CCDC148: variants seen among roughly 807,000 people sequenced by gnomAD.
CCDC148 encodes coiled-coil domain containing 148.
A neutral mutation model predicts 85.7 loss-of-function variants in CCDC148; 89 were observed. The ratio of observed to expected loss-of-function variants is 1.04; its 90% CI spans 0.87 to 1.24. The LOEUF (loss-of-function observed/expected upper bound fraction) is 1.24. Among genes scored for constraint, CCDC148 ranks in the 50% most tolerant of loss-of-function variants. CCDC148 has a pLI of 0.00. For missense variants in CCDC148, 692 were observed against 671.7 expected (o/e 1.03, Z -0.33); for synonymous variants, 230 against 213.9 (o/e 1.08, Z -0.66).
intron 9 of CCDC148, among the ~76,000 whole-genome samples, chr2:158,279,534 A>C (rs1345532095): frequency 6.6e-6 from 1 of 152,214 alleles, no homozygotes; most frequent in Non-Finnish European, 1.5e-5. Flanking sequence ...CAGTGATGGA[A>C]GATGAAATGA....
At chr2:158,424,782 G>GA in intron 1 of CCDC148, 1 of 199,626 alleles carries the variant, frequency 5.0e-6, no homozygotes. Flanking sequence ...AGAAACTTCT[G>GA]AAAAACAAAT....
intron 12 of CCDC148, 115 bp downstream of exon 12, chr2:158,178,764 T>C: frequency 1.4e-6 from 1 of 718,910 alleles, no homozygotes; most frequent in Non-Finnish European, 2.4e-6. Context: ...TTTGGAAAAG[T>C]TAAATTTTAT....
At chr2:158,408,124 A>T (rs2105312079) in intron 1 of CCDC148, among the ~76,000 whole-genome samples, 1 of 152,304 alleles carries the variant, frequency 6.6e-6, no homozygotes, top group Non-Finnish European at 1.5e-5. Context: ...AAATGAAATT[A>T]TAAATATTTA....
intron 3 of CCDC148, among the ~76,000 whole-genome samples, chr2:158,342,501 C>G (rs768143009): frequency 1.3e-5 from 2 of 152,082 alleles, no homozygotes; most frequent in East Asian, 1.9e-4. Context: ...AGAAGTTATT[C>G]CAGAACAGAT....
intron 10 of CCDC148, 34 bp from the exon 11 acceptor site, chr2:158,220,747 A>G (rs1177291167): frequency 6.8e-7 from 1 of 1,464,042 alleles, no homozygotes; most frequent in Non-Finnish European, 9.3e-7. Flanking sequence ...ATTTAAATTA[A>G]CAACAGATAT....
chr2:158,306,793 G>A (rs144887814), intron 9 of CCDC148, among the ~76,000 whole-genome samples: 8,451 of 150,582 alleles, frequency 0.056, 503 homozygotes, highest in African/African-American at 0.15. Context: ...AAACCTGCAC[G>A]TTGTGCACAT....
chr2:158,353,167 A>G (rs1449289993), intron 2 of CCDC148, among the ~76,000 whole-genome samples: 1 of 139,580 alleles, frequency 7.2e-6, no homozygotes, highest in African/African-American at 2.8e-5. Context: ...AACTGCATCA[A>G]CTAACGAGCA....
At chr2:158,315,523 A>G (rs1311927578) in intron 7 of CCDC148, among the ~76,000 whole-genome samples, 1 of 152,114 alleles carries the variant, frequency 6.6e-6, no homozygotes, top group Non-Finnish European at 1.5e-5. Context: ...ATTTGATTAT[A>G]AATGTGGATG....
chr2:158,288,606 T>G, intron 9 of CCDC148: 1 of 175,158 alleles, frequency 5.7e-6, no homozygotes, highest in South Asian at 1.0e-4. Flanking sequence ...ATTGTTCATA[T>G]CACTATCAGC....
rs377255435 is a variant in CCDC148, at chr2:158,203,605, AT to A, written c.1370+16989del. Among the ~76,000 whole-genome samples, 720 of 152,316 alleles carry A rather than the reference AT, an allele frequency of 4.7e-3. 1 individual carries two copies. Among genetic ancestry groups the A allele is most frequent in the African/African-American group, 0.016 (655 of 41,562 alleles). ...ATGTTAAAAGTTTGTTAGGAGAAAG[AT>A]TTACATTTGTTTCACATGGTCTCAA... is the stretch of plus-strand genomic sequence containing the variant. On this transcript the variant is annotated intron_variant, in intron 11 of 13. Transcript: ENST00000283233.
chr2:158,380,666 G>T (rs10175499), intron 1 of CCDC148, among the ~76,000 whole-genome samples: 8,303 of 152,188 alleles, frequency 0.055, 432 homozygotes, highest in African/African-American at 0.13. Flanking sequence ...ATAGCCAAGA[G>T]AATCTTGATG....
chr2:158,387,298 C>G (rs1190446862), intron 1 of CCDC148, among the ~76,000 whole-genome samples: 1 of 151,562 alleles, frequency 6.6e-6, no homozygotes, highest in Non-Finnish European at 1.5e-5. Flanking sequence ...TTATCTATAT[C>G]TATATCTATA....
At chr2:158,353,418 G>A (rs1390886059) in intron 2 of CCDC148, among the ~76,000 whole-genome samples, 1 of 150,726 alleles carries the variant, frequency 6.6e-6, no homozygotes, top group Non-Finnish European at 1.5e-5. Flanking sequence ...AAAGGCAGGG[G>A]TTGCAATACT....
chr2:158,450,738 T>C lies in CCDC148; in HGVS notation c.25+5677A>G, dbSNP rs140277598. Among the ~76,000 whole-genome samples, 166 of 152,280 alleles carry C rather than the reference T, an allele frequency of 1.1e-3. 1 individual carries two copies. Among genetic ancestry groups the C allele is most frequent in the African/African-American group, 3.9e-3 (160 of 41,554 alleles). ...TCTTGCTGCCTCAAAATTTTCTTGT[T>C]ATTTTTGTCTTTCAGCAGGCTAAGA... On this transcript the variant is annotated intron_variant, in intron 1 of 13. Coordinates refer to ENST00000283233, the MANE Select transcript of CCDC148 (RefSeq NM_138803.4).
chr2:158,228,509 G>A (rs1574448728), intron 10 of CCDC148, among the ~76,000 whole-genome samples: 1 of 152,122 alleles, frequency 6.6e-6, no homozygotes, highest in Non-Finnish European at 1.5e-5. Flanking sequence ...ACATGCATAC[G>A]TATGTTTATT....
At chr2:158,429,052 A>T (rs1041021121) in intron 1 of CCDC148, among the ~76,000 whole-genome samples, 1 of 151,084 alleles carries the variant, frequency 6.6e-6, no homozygotes, top group East Asian at 2.0e-4. Flanking sequence ...AACCAAACAC[A>T]GCATGTTCTC....
At chr2:158,329,008 C>G (rs1301716423) in intron 7 of CCDC148, among the ~76,000 whole-genome samples, 2 of 152,252 alleles carry the variant, frequency 1.3e-5, no homozygotes, top group South Asian at 4.2e-4. Flanking sequence ...TGCAGAAGCT[C>G]TTTATTTTAA....
At chr2:158,201,649 C>T (rs143657602) in intron 11 of CCDC148, among the ~76,000 whole-genome samples, 1 of 152,058 alleles carries the variant, frequency 6.6e-6, no homozygotes, top group Non-Finnish European at 1.5e-5. Context: ...AGAACATAAG[C>T]AATCCAGCCA....
intron 1 of CCDC148, among the ~76,000 whole-genome samples, chr2:158,401,584 CCTAAT>C (rs1418115953): frequency 6.6e-6 from 1 of 151,954 alleles, no homozygotes; most frequent in Non-Finnish European, 1.5e-5. Context: ...GGAGAAAATA[CCTAAT>C]GTAAATATGA....
Sources: gnomAD v4.1 joint callset for allele counts (sites outside exome capture counted in the v4.1 genomes callset) on GRCh38, gnomAD v4.1.1 for gene constraint, MANE v1.5 for transcripts, NCBI Gene and HGNC (gene_info 2026-07-23, HGNC 2026-07-21) for gene names.